The following ACADSB variants were observed in gnomAD, a reference collection of about 807,000 sequenced individuals.
ACADSB encodes the protein short/branched chain specific acyl-CoA dehydrogenase, mitochondrial.
ACADSB carries 40 observed loss-of-function variants against 54.1 expected under a neutral mutation model. That is an observed-to-expected ratio of 0.74 (90% CI 0.57 to 0.96). The LOEUF is 0.96. ACADSB is among the 40% of genes least tolerant of loss of function. The probability of loss-of-function intolerance (pLI) is 0.00; values close to 1 mark genes in which losing one functional copy is unlikely to be tolerated. For missense variants in ACADSB, 530 were observed against 510.4 expected (o/e 1.04, Z -0.37); for synonymous variants, 182 against 182.8 (o/e 1.00, Z 0.03).
rs387906409 is a variant in ACADSB, at chr10:123,053,160, G to A, written c.1228G>A (p.Gly410Ser). ...VEKYFRDAKI[G>S]TIYEGASNIQ... ...GAAATACTTCCGAGATGCAAAGATT[G>A]GTAAATAGATTTTTTTTTTTTACAT... The change falls in exon 10 of 11, where the codon GGT (glycine) becomes AGT (serine). Residue 410 changes from glycine to serine, a missense_variant and splice_region_variant. Transcript: ENST00000358776. The A allele has an allele frequency of 9.1e-6, 14 of 1,544,128 alleles. No homozygotes were observed. In the South Asian group the frequency reaches 1.4e-4, roughly 15 times the overall value.
At chr10:123,009,476 C>T (rs534562435) in intron 1 of ACADSB, among the ~76,000 whole-genome samples, 32 of 152,258 alleles carry the variant, frequency 2.1e-4, no homozygotes, top group African/African-American at 7.0e-4. Context: ...TTTCACACCC[C>T]CTCCCCCAAA....
chr10:123,042,020 C>T (rs1331933085), intron 5 of ACADSB, among the ~76,000 whole-genome samples: 1 of 146,374 alleles, frequency 6.8e-6, no homozygotes, highest in Non-Finnish European at 1.5e-5. Flanking sequence ...GGCTGGAGTG[C>T]AGTGGTGTGA....
chr10:123,050,146 A>G (rs1850609553), intron 8 of ACADSB, among the ~76,000 whole-genome samples: 1 of 152,366 alleles, frequency 6.6e-6, no homozygotes, highest in South Asian at 2.1e-4. Context: ...GTTTTTCTCC[A>G]ACTTTTCCCT....
chr10:123,048,760 G>A (rs975354845), intron 8 of ACADSB, among the ~76,000 whole-genome samples: 9 of 151,588 alleles, frequency 5.9e-5, no homozygotes, highest in Admixed American at 4.6e-4. Context: ...ACAGAGTCTC[G>A]CTCTGTCACC....
At chr10:123,010,709 T>C (rs1442581290) in intron 1 of ACADSB, among the ~76,000 whole-genome samples, 1 of 152,212 alleles carries the variant, frequency 6.6e-6, no homozygotes, top group Non-Finnish European at 1.5e-5. Context: ...GTGCTCGGAA[T>C]GTAGTCAGCT....
At chr10:123,034,307 GA>G in intron 1 of ACADSB, 48 bp from the exon 2 acceptor site, 1 of 1,586,118 alleles carries the variant, frequency 6.3e-7, no homozygotes. Context: ...CATTCCCAAA[GA>G]AAATGATATT....
chr10:123,009,483 C>G (rs1319443412), intron 1 of ACADSB, among the ~76,000 whole-genome samples: 1 of 152,136 alleles, frequency 6.6e-6, no homozygotes, highest in Non-Finnish European at 1.5e-5. Flanking sequence ...CCCCCTCCCC[C>G]AAAAAAGATA....
rs923807005 is a variant in ACADSB at position 123,009,143 on chromosome 10, C to T, written c.42+72C>T. On this transcript the variant is annotated intron_variant, in intron 1 of 10. Transcript: ENST00000358776. ...GCCCCTGGAATCGCAGCTGGCAGAGCCTTCTAACGGGCCTCGGGGCGCCGG... is the reference window on the plus strand; with the variant it reads ...GCCCCTGGAATCGCAGCTGGCAGAGTCTTCTAACGGGCCTCGGGGCGCCGG... 2.7e-6 allele frequency: 4 copies of T among 1,486,692 alleles called. No individual in the cohort carries two copies. In the East Asian group the frequency reaches 7.4e-5, roughly 27 times the overall value. The allele number at this position is 1,486,692 out of a possible 1,614,324, so 92.1% of individuals were successfully genotyped here. A position where few individuals can be genotyped will look rare whatever the true frequency, so the allele number is the denominator to read the frequency against.
At chr10:123,045,144 TATATATATATATATATATATATATATA>T (rs1564752858) in intron 7 of ACADSB, among the ~76,000 whole-genome samples, 1,072 of 13,462 alleles carry the variant, frequency 0.08, 42 homozygotes, top group Non-Finnish European at 0.12. Context: ...TATATATATA[TATATATATATATATATATATATATATA>T]TTTTTTTTTT....
chr10:123,034,309 A>C (rs1850367358), intron 1 of ACADSB, 47 bp from the exon 2 acceptor site: 8 of 1,587,174 alleles, frequency 5.0e-6, no homozygotes, highest in Admixed American at 1.7e-5. Flanking sequence ...TTCCCAAAGA[A>C]AATGATATTC....
intron 1 of ACADSB, among the ~76,000 whole-genome samples, chr10:123,030,218 A>C (rs1294828081): frequency 6.6e-6 from 1 of 152,120 alleles, no homozygotes; most frequent in Non-Finnish European, 1.5e-5. Flanking sequence ...TACTCAACCC[A>C]CAGAGTATAA....
At chr10:123,040,302 G>C (rs948680462) in intron 3 of ACADSB, among the ~76,000 whole-genome samples, 164 bp from the exon 4 acceptor site, 1 of 151,928 alleles carries the variant, frequency 6.6e-6, no homozygotes, top group Non-Finnish European at 1.5e-5. Flanking sequence ...AGTGAGCTGA[G>C]ATTGCGCCAT....
Position 123,052,743 on chromosome 10 carries a change from C to G in ACADSB, c.1129-318C>G, listed in dbSNP as rs1850648413. ...CTTGGAGGATTTCGACGTGTTGGTCCTCAGCTTGAAATGTCCCTTAGCTCG... is the reference window on the plus strand; with the variant it reads ...CTTGGAGGATTTCGACGTGTTGGTCGTCAGCTTGAAATGTCCCTTAGCTCG... On this transcript the variant is annotated intron_variant, in intron 9 of 10. Transcript: ENST00000358776. The surrounding 1 kb of genome is among the most constrained non-coding windows in gnomAD (Gnocchi z 4.2). The G allele has an allele frequency of 3.0e-6, 1 of 338,942 alleles. No homozygotes were observed. 21.0% of individuals were successfully genotyped at this position (338,942 alleles called of 1,614,324 possible). A position where few individuals can be genotyped will look rare whatever the true frequency, so the allele number is the denominator to read the frequency against.
At chr10:123,053,557 G>A in intron 10 of ACADSB, 138 bp from the exon 11 acceptor site, 2 of 788,676 alleles carry the variant, frequency 2.5e-6, no homozygotes, top group South Asian at 2.9e-5. Context: ...CTGTGAAATA[G>A]TACCATATTC....
chr10:123,031,789 C>T (rs1015982674), intron 1 of ACADSB, among the ~76,000 whole-genome samples: 1 of 152,164 alleles, frequency 6.6e-6, no homozygotes, highest in Admixed American at 6.5e-5. Context: ...CATTTCTAAC[C>T]TTTTTAAGTA....
At chr10:123,014,332 TTAATTAAG>T (rs1026450699) in intron 1 of ACADSB, among the ~76,000 whole-genome samples, 1 of 152,192 alleles carries the variant, frequency 6.6e-6, no homozygotes, top group Non-Finnish European at 1.5e-5. Context: ...TTAAAATTAA[TTAATTAAG>T]TTAGTTTTTT....
At chr10:123,045,658 C>T (rs190888320) in intron 7 of ACADSB, among the ~76,000 whole-genome samples, 12 of 152,196 alleles carry the variant, frequency 7.9e-5, no homozygotes, top group African/African-American at 2.9e-4. Flanking sequence ...AGTTTTCCTA[C>T]AATGCTTGAC....
At chr10:123,027,180 A>G (rs966093279) in intron 1 of ACADSB, among the ~76,000 whole-genome samples, 10 of 152,174 alleles carry the variant, frequency 6.6e-5, no homozygotes. Flanking sequence ...AAATTCCAGC[A>G]CAAGCTGCAC....
At chr10:123,012,187 C>G (rs186641251) in intron 1 of ACADSB, among the ~76,000 whole-genome samples, 18 of 152,364 alleles carry the variant, frequency 1.2e-4, no homozygotes, top group African/African-American at 4.3e-4. Flanking sequence ...GACGTGAATT[C>G]TTGTTCAGTT....
Sources: gnomAD v4.1 joint callset for allele counts (sites outside exome capture counted in the v4.1 genomes callset) on GRCh38, gnomAD v4.1.1 for gene constraint, Gnocchi (gnomAD v3.1) non-coding constraint, MANE v1.5 for transcripts, NCBI Gene and HGNC (gene_info 2026-07-23, HGNC 2026-07-21) for gene names.